Variants in WFS1 observed in about 807,000 individuals in gnomAD.
WFS1 encodes wolframin ER transmembrane glycoprotein.
A neutral mutation model predicts 68.5 loss-of-function variants in WFS1; 90 were observed. The observed-to-expected ratio is 1.31, with a 90% CI of 1.11 to 1.56. The LOEUF (loss-of-function observed/expected upper bound fraction) is 1.56, where lower values mean the gene tolerates loss of function less well. Among genes scored for constraint, WFS1 ranks in the 40% most tolerant of loss-of-function variants. The pLI, the probability that WFS1 is intolerant of heterozygous loss-of-function variation, is 0.00. For synonymous variants in WFS1, 860 were observed against 540.7 expected (o/e 1.59, Z -8.19); for missense variants, 1,767 against 1,232.6 (o/e 1.43, Z -6.49).
At position 6,288,990 on chromosome 4, in the gene WFS1, G is replaced by T. The variant is rs1458496203; in HGVS notation, c.319G>T (p.Gly107Trp). The T allele has an allele frequency of 1.2e-6, 2 of 1,608,460 alleles. No homozygotes were observed. The highest frequency in any genetic ancestry group is 1.1e-5 in the South Asian group (1 of 89,514). ...AGDPKAQTEV[G>W]KHYLQLAGDT... Reference sequence around the variant, plus strand: ...CTGACTGGTGTCTGGCTTGCAGGTGGGGAAGCACTACCTGCAGTTGGCCGG... The same window carrying T: ...CTGACTGGTGTCTGGCTTGCAGGTGTGGAAGCACTACCTGCAGTTGGCCGG... Residue 107 changes from glycine (G) to tryptophan (W), a missense_variant, in exon 4 of 8, where the codon GGG (glycine) becomes TGG (tryptophan). Coordinates refer to ENST00000226760, the MANE Select transcript of WFS1 (RefSeq NM_006005.3).
chr4:6,289,204 A>G, intron 4 of WFS1, 73 bp downstream of exon 4: 2 of 1,509,448 alleles, frequency 1.3e-6, no homozygotes, highest in Non-Finnish European at 1.8e-6. Context: ...TAACTGAACA[A>G]CTAAAATCTT....
intron 1 of WFS1, among the ~76,000 whole-genome samples, chr4:6,272,388 G>C (rs561773308): frequency 4.6e-5 from 7 of 152,220 alleles, no homozygotes; most frequent in Non-Finnish European, 1.0e-4. Flanking sequence ...AAACCCCTCT[G>C]TTCCTGTGAA....
Position 6,291,336 on chromosome 4 carries a change from G to A in WFS1, c.600G>A (p.Leu200=). 1 of 1,613,280 alleles carries A rather than the reference G, an allele frequency of 6.2e-7. No individual in the cohort carries two copies. Among genetic ancestry groups the A allele is most frequent in the South Asian group, 1.1e-5 (1 of 91,078 alleles). Residue 200 remains leucine (L), a synonymous_variant, in exon 5 of 8, where the codon CTG becomes CTA. Coordinates refer to ENST00000226760, the MANE Select transcript of WFS1 (RefSeq NM_006005.3). ...KKKKQVAVAE[L]LENVGQVNEH... is the part of the protein sequence containing the mutation. ...AGAAGCAGGTGGCCGTGGCGGAGCT[G>A]CTGGAGAATGTCGGCCAGGTCAACG...
chr4:6,272,398 A>C (rs1318977057), intron 1 of WFS1, among the ~76,000 whole-genome samples: 1 of 152,166 alleles, frequency 6.6e-6, no homozygotes, highest in Non-Finnish European at 1.5e-5. Flanking sequence ...GTTCCTGTGA[A>C]TGTGCCACAT....
chr4:6,278,934 A>C (rs1314153347), intron 2 of WFS1, among the ~76,000 whole-genome samples: 3 of 152,248 alleles, frequency 2.0e-5, no homozygotes, highest in African/African-American at 7.2e-5. Flanking sequence ...CGCAAAGGAC[A>C]GAGTCCAAGA....
At chr4:6,294,918 T>G (rs1730583382) in intron 6 of WFS1, 123 bp from the exon 7 acceptor site, 1 of 1,535,262 alleles carries the variant, frequency 6.5e-7, no homozygotes, top group African/African-American at 1.4e-5. Flanking sequence ...TTCCTCCACC[T>G]GAACCCACTC....
chr4:6,270,977 CCT>C (rs1273338901), intron 1 of WFS1, among the ~76,000 whole-genome samples: 2 of 152,212 alleles, frequency 1.3e-5, no homozygotes. Context: ...CCCCGTCTCT[CCT>C]CACCTTGGAC....
At chr4:6,275,372 G>C (rs564545654) in intron 1 of WFS1, among the ~76,000 whole-genome samples, 3 of 152,282 alleles carry the variant, frequency 2.0e-5, no homozygotes, top group East Asian at 1.9e-4. Context: ...TGGGTTCTAC[G>C]TGCGATCCTG....
chr4:6,301,962 C>A lies in WFS1; in HGVS notation c.2167C>A (p.Leu723Ile). ...CAGCGCCGAGTCTGCCATCAACATG[C>A]TCCCGTTCTTCATCGGCGACTGGAT... ...DNSAESAINM[L>I]PFFIGDWMRC... The change falls in exon 8 of 8, where the codon CTC becomes ATC. Residue 723 changes from leucine to isoleucine, a missense_variant. By Grantham distance (5) the Leu-to-Ile change is conservative. Coordinates refer to ENST00000226760, the MANE Select transcript of WFS1 (RefSeq NM_006005.3). 6.2e-7 allele frequency: 1 copy of A among 1,612,814 alleles called. No individual in the cohort carries two copies. Among genetic ancestry groups the A allele is most frequent in the Non-Finnish European group, 8.5e-7 (1 of 1,179,948 alleles).
chr4:6,284,858 G>A (rs1031454010), intron 2 of WFS1, among the ~76,000 whole-genome samples: 9 of 150,006 alleles, frequency 6.0e-5, no homozygotes, highest in South Asian at 4.6e-4. Context: ...CATTGTGATC[G>A]CTCACGCTGC....
rs1730996284 is a variant in WFS1, at chr4:6,302,612, A to C, written c.*144A>C. 3 of 1,226,040 alleles carry C rather than the reference A, an allele frequency of 2.4e-6. No homozygotes were observed. The highest frequency in any genetic ancestry group is 3.4e-6 in the Non-Finnish European group (3 of 883,484). 75.9% of individuals were successfully genotyped at this position (1,226,040 alleles called of 1,614,324 possible). On this transcript the variant is annotated 3_prime_UTR_variant, in exon 8 of 8. Transcript: ENST00000226760. ...GCAGAGACCTTGCGACCATGTGTAG[A>C]TTGCGTGGACCCCGACAAAGGGAAG...
At chr4:6,280,295 G>A (rs986543947) in intron 2 of WFS1, among the ~76,000 whole-genome samples, 2 of 152,216 alleles carry the variant, frequency 1.3e-5, no homozygotes, top group Admixed American at 6.5e-5. Flanking sequence ...CCTGCCTGTC[G>A]GTGGCTGCCC....
chr4:6,274,069 C>T (rs1464861439), intron 1 of WFS1, among the ~76,000 whole-genome samples: 6 of 148,648 alleles, frequency 4.0e-5, no homozygotes, highest in South Asian at 2.1e-4. Flanking sequence ...TTTTTTGAGA[C>T]GGAGTCTCGC....
In WFS1 at chr4:6,301,042, T is replaced by C; in HGVS notation, c.1247T>C (p.Ile416Thr). 6.2e-7 allele frequency: 1 copy of C among 1,614,148 alleles called. No individual in the cohort carries two copies. Among genetic ancestry groups the C allele is most frequent in the African/African-American group, 1.3e-5 (1 of 75,026 alleles). The change falls in exon 8 of 8, where the codon ATC becomes ACC. Residue 416 changes from isoleucine (I) to threonine (T), a missense_variant. Transcript: ENST00000226760. Reference sequence around the variant, plus strand: ...TTCCTGCTCTCTGTCTTCTTCGTCATCTTCTCCTTCCCCATCGCCAGCAAG... The same window carrying C: ...TTCCTGCTCTCTGTCTTCTTCGTCACCTTCTCCTTCCCCATCGCCAGCAAG... ...AHFLLSVFFVIFSFPIASKDC... is the reference protein window; with the variant it reads ...AHFLLSVFFVTFSFPIASKDC...
intron 7 of WFS1, among the ~76,000 whole-genome samples, chr4:6,297,076 A>C (rs1404142756): frequency 2.0e-5 from 3 of 152,138 alleles, no homozygotes; most frequent in African/African-American, 7.2e-5. Flanking sequence ...CGAGCCTCCC[A>C]CTTTGGCCTC....
chr4:6,279,738 G>A (rs576556878), intron 2 of WFS1, among the ~76,000 whole-genome samples: 142 of 152,318 alleles, frequency 9.3e-4, no homozygotes, highest in African/African-American at 3.3e-3. Context: ...GGCACCCCAG[G>A]AGGGCCTGGT....
In WFS1 at chr4:6,277,658, C is replaced by T. The variant is rs767777366; in HGVS notation, c.203C>T (p.Thr68Ile). 3.2e-6 allele frequency: 5 copies of T among 1,564,748 alleles called. No individual in the cohort carries two copies. The Admixed American group carries it at 9.4e-5, about 30-fold the overall frequency. ...CCCGCTGAACCCCAGGCCCAGCATACCAGGAGCCGGGAAAGAGCAGACGGC... is the reference window on the plus strand; with the variant it reads ...CCCGCTGAACCCCAGGCCCAGCATATCAGGAGCCGGGAAAGAGCAGACGGC... Reference protein sequence around the residue: ...AAPAEPQAQHTRSRERADGTG... With the variant: ...AAPAEPQAQHIRSRERADGTG... Residue 68 changes from threonine (T) to isoleucine (I), a missense_variant, in exon 2 of 8, where the codon ACC becomes ATC. Transcript: ENST00000226760.
At chr4:6,291,799 A>C in intron 5 of WFS1, 118 bp from the exon 6 acceptor site, 2 of 1,107,108 alleles carry the variant, frequency 1.8e-6, no homozygotes, top group South Asian at 2.7e-5. Context: ...GATCCCCAGA[A>C]CGTAGGATGC....
rs150368988 is a variant in WFS1 at position 6,301,060 on chromosome 4, C to T, written c.1265C>T (p.Ala422Val). The stretch of plus-strand genomic sequence containing the variant: ...TTCGTCATCTTCTCCTTCCCCATCG[C>T]CAGCAAGGACTGCATCCCCTGCTCG... ...VFFVIFSFPI[A>V]SKDCIPCSEL... is the part of the protein sequence containing the mutation. Residue 422 changes from alanine to valine, a missense_variant, in exon 8 of 8, where the codon GCC becomes GTC. Physicochemically the swap from Ala to Val is moderately conservative, Grantham distance 64. Coordinates refer to ENST00000226760, the MANE Select transcript of WFS1 (RefSeq NM_006005.3). 4.2e-4 allele frequency: 678 copies of T among 1,614,062 alleles called. No homozygotes were observed. Among genetic ancestry groups the T allele is most frequent in the Non-Finnish European group, 5.6e-4 (658 of 1,180,038 alleles).
Sources: allele counts gnomAD v4.1 joint callset (sites outside exome capture counted in the v4.1 genomes callset), GRCh38; gene constraint gnomAD v4.1.1; transcripts MANE v1.5; gene names NCBI Gene and HGNC (gene_info 2026-07-23, HGNC 2026-07-21).